The following GPRC5C variants were observed in gnomAD, a reference collection of about 807,000 sequenced individuals.
GPRC5C encodes the protein G protein-coupled receptor class C group 5 member C.
In GPRC5C, 22 loss-of-function variants were observed where a neutral mutation model predicts 31.4. The observed-to-expected ratio is 0.70, with a 90% CI of 0.50 to 1.00. GPRC5C has a LOEUF of 1.00. Ranked by LOEUF, GPRC5C falls within the 50% of genes least tolerant of loss-of-function variation. GPRC5C has a pLI of 0.00. For missense variants in GPRC5C, 557 were observed against 597.2 expected, an observed-to-expected ratio of 0.93 and a Z score of 0.70; for synonymous variants, 249 against 257.5, an observed-to-expected ratio of 0.97 and a Z score of 0.32.
At chr17:74,443,406 A>C in intron 2 of GPRC5C, 1 of 356,774 alleles carries the variant, frequency 2.8e-6, no homozygotes, top group South Asian at 2.2e-5. Flanking sequence ...TGTGCCTGGC[A>C]GCTGGCCCGT....
chr17:74,434,666 T>C (rs146923580), intron 1 of GPRC5C, among the ~76,000 whole-genome samples: 283 of 152,328 alleles, frequency 1.9e-3, no homozygotes, highest in African/African-American at 6.6e-3. Context: ...CTCACACTTG[T>C]AATCCCAGCA....
At chr17:74,437,731 T>C (rs1391856383) in intron 1 of GPRC5C, among the ~76,000 whole-genome samples, 1 of 151,112 alleles carries the variant, frequency 6.6e-6, no homozygotes, top group Non-Finnish European at 1.5e-5. Context: ...TAGCCAGGAA[T>C]GGTAGAAAAC....
chr17:74,432,398 T>G, intron 1 of GPRC5C: 3 of 1,268,274 alleles, frequency 2.4e-6, no homozygotes, highest in African/African-American at 1.6e-5. Flanking sequence ...GGCCCCGCCA[T>G]CCCAGCCAGG....
In GPRC5C at chr17:74,440,450, TG is replaced by T; in HGVS notation, c.679del (p.Ala227ProfsTer77). 1 of 1,613,988 alleles carries T rather than the reference TG, an allele frequency of 6.2e-7. No homozygotes were observed. Among genetic ancestry groups the T allele is most frequent in the Non-Finnish European group, 8.5e-7 (1 of 1,179,932 alleles). ...YVMLLLLGAFLGAWPALCGRY... is the reference protein window; with the variant it reads ...YVMLLLLGAFXGAWPALCGRY... ...ATGCTGCTGCTGCTGGGTGCCTTCC[TG>T]GGGGCCTGGCCCGCCCTGTGTGGCC... is the stretch of plus-strand genomic sequence containing the variant. On this transcript the variant is annotated frameshift_variant, in exon 2 of 4. Coordinates refer to ENST00000392627, the MANE Select transcript of GPRC5C (RefSeq NM_022036.4). LOFTEE classifies it high-confidence loss of function. This position sits in a 1 kb window ranked among gnomAD's most constrained non-coding sequence, Gnocchi z 4.4.
intron 2 of GPRC5C, chr17:74,443,413 C>G (rs2055574050): frequency 2.8e-6 from 1 of 358,502 alleles, no homozygotes; most frequent in African/African-American, 2.1e-5. Context: ...GGCAGCTGGC[C>G]CGTGGTGACA....
Position 74,439,920 on chromosome 17 carries a change from G to T in GPRC5C, c.144G>T (p.Ala48=), listed in dbSNP as rs767530166. The T allele has an allele frequency of 1.9e-6, 3 of 1,612,200 alleles. No homozygotes were observed. The highest frequency in any genetic ancestry group is 2.7e-5 in the African/African-American group (2 of 74,940). ...LYYNLCDRSG[A]WGIVLEAVAG... ...ACAACCTGTGTGACCGCTCTGGGGC[G>T]TGGGGCATCGTCCTGGAGGCCGTGG... The change falls in exon 2 of 4, where the codon GCG becomes GCT. Residue 48 remains alanine, a synonymous_variant. Coordinates refer to ENST00000392627, the MANE Select transcript of GPRC5C (RefSeq NM_022036.4).
At chr17:74,448,797 A>G (rs1032360869), downstream of GPRC5C, 48 of 991,284 alleles carry the variant, frequency 4.8e-5, no homozygotes, top group African/African-American at 6.5e-4. Context: ...AGGGCCTCAG[A>G]GTAGTTCTAC....
intron 1 of GPRC5C, 48 bp downstream of exon 1, chr17:74,432,189 G>C (rs752329326): frequency 3.7e-5 from 59 of 1,581,368 alleles, no homozygotes; most frequent in Middle Eastern, 1.7e-4. Flanking sequence ...CTGTGTAAAC[G>C]GAGCGCACGT....
chr17:74,442,668 G>C (rs150889937), intron 2 of GPRC5C, among the ~76,000 whole-genome samples: 1 of 152,348 alleles, frequency 6.6e-6, no homozygotes, highest in Non-Finnish European at 1.5e-5. Context: ...TCCAGAATCA[G>C]AGACATTCCT....
At chr17:74,443,702 TG>T in intron 2 of GPRC5C, 115 bp from the exon 3 acceptor site, 1 of 846,884 alleles carries the variant, frequency 1.2e-6, no homozygotes, top group Non-Finnish European at 2.0e-6. Context: ...ATGCCAGGGT[TG>T]GCCTGCCCCC....
chr17:74,440,924 T>G lies in GPRC5C; in HGVS notation c.1051+97T>G, dbSNP rs2055528490. ...GTCTCTTGAGCAAAATGGAAAGTTT[T>G]TGAGGTTTTCTGTAGTTTTCTGCCT... On this transcript the variant is annotated intron_variant, in intron 2 of 3. Transcript: ENST00000392627. This position sits in a 1 kb window ranked among gnomAD's most constrained non-coding sequence, Gnocchi z 4.4. 1.7e-6 allele frequency: 2 copies of G among 1,168,048 alleles called. No individual in the cohort carries two copies. The highest frequency in any genetic ancestry group is 2.3e-6 in the Non-Finnish European group (2 of 887,286). The allele number at this position is 1,168,048 out of a possible 1,614,324, so 72.4% of individuals were successfully genotyped here. A position where few individuals can be genotyped will look rare whatever the true frequency, so the allele number is the denominator to read the frequency against.
downstream of GPRC5C, chr17:74,449,334 G>A: frequency 1.5e-6 from 2 of 1,301,284 alleles, no homozygotes; most frequent in South Asian, 2.5e-5. Context: ...GGTCACTTTA[G>A]GCTCAGTCCC....
chr17:74,442,834 G>T (rs554702975), intron 2 of GPRC5C, among the ~76,000 whole-genome samples: 109 of 152,216 alleles, frequency 7.2e-4, no homozygotes, highest in Non-Finnish European at 1.3e-3. Context: ...TGTGCATGGC[G>T]GGGGTGGAAT....
At chr17:74,444,631 C>T (rs1404685491) in intron 3 of GPRC5C, among the ~76,000 whole-genome samples, 1 of 152,118 alleles carries the variant, frequency 6.6e-6, no homozygotes, top group African/African-American at 2.4e-5. Flanking sequence ...CTGTGAGAGC[C>T]GCGGGGCAGG....
intron 1 of GPRC5C, 77 bp downstream of exon 1, chr17:74,432,218 G>T: frequency 6.4e-7 from 1 of 1,552,542 alleles, no homozygotes; most frequent in Non-Finnish European, 8.7e-7. Context: ...CGCGGCGGGC[G>T]CCCGATTAGC....
chr17:74,437,189 G>A (rs533349457), intron 1 of GPRC5C, among the ~76,000 whole-genome samples: 14 of 152,108 alleles, frequency 9.2e-5, no homozygotes, highest in East Asian at 3.9e-4. Context: ...TGATCTGCCC[G>A]CCAAAAGTGC....
chr17:74,436,706 G>A (rs1317771201), intron 1 of GPRC5C, among the ~76,000 whole-genome samples: 1 of 152,178 alleles, frequency 6.6e-6, no homozygotes, highest in Non-Finnish European at 1.5e-5. Context: ...CTGGGCCCTG[G>A]CCGAGGGAGG....
rs1430611696 is a variant in GPRC5C at position 74,443,845 on chromosome 17, G to A, written c.1079G>A (p.Gly360Glu). 1 of 1,613,378 alleles carries A rather than the reference G, an allele frequency of 6.2e-7. No individual in the cohort carries two copies. The highest frequency in any genetic ancestry group is 1.1e-5 in the South Asian group (1 of 91,046). ...AAGAGGCCGGTGTCACCATACAGCG[G>A]GTACAATGGGCAGCTGCTGACCAGT... Reference protein sequence around the residue: ...AAKRPVSPYSGYNGQLLTSVY... With the variant: ...AAKRPVSPYSEYNGQLLTSVY... Residue 360 changes from glycine (G) to glutamate (E), a missense_variant, in exon 3 of 4, where the codon GGG (glycine) becomes GAG (glutamate). Coordinates refer to ENST00000392627, the MANE Select transcript of GPRC5C (RefSeq NM_022036.4).
downstream of GPRC5C, among the ~76,000 whole-genome samples, chr17:74,448,332 T>A (rs113545377): frequency 1.1e-3 from 161 of 152,280 alleles, no homozygotes; most frequent in African/African-American, 3.7e-3. Context: ...TCGGTACTTA[T>A]ACTAAGCAAA....
Sources: gnomAD v4.1 joint callset for allele counts (sites outside exome capture counted in the v4.1 genomes callset) on GRCh38, gnomAD v4.1.1 for gene constraint, Gnocchi (gnomAD v3.1) non-coding constraint, MANE v1.5 for transcripts, NCBI Gene and HGNC (gene_info 2026-07-23, HGNC 2026-07-21) for gene names.